BTBD2: variants seen among roughly 807,000 people sequenced by gnomAD.
The protein encoded by BTBD2 is BTB/POZ domain-containing protein 2.
In BTBD2, 15 loss-of-function variants were observed where a neutral mutation model predicts 44.0. The observed-to-expected ratio is 0.34, with a 90% confidence interval of 0.23 to 0.53. The LOEUF (loss-of-function observed/expected upper bound fraction) is 0.53. BTBD2 is among the 20% of genes least tolerant of loss of function. The pLI is 0.95. For missense variants in BTBD2, 657 were observed against 746.4 expected (o/e 0.88, Z 1.39); for synonymous variants, 443 against 335.9 (o/e 1.32, Z -3.49).
At chr19:2,009,963 G>A (rs931167805) in intron 1 of BTBD2, among the ~76,000 whole-genome samples, 4 of 151,850 alleles carry the variant, frequency 2.6e-5, no homozygotes, top group Admixed American at 2.6e-4. Flanking sequence ...AGACTAGCCC[G>A]GCTAACATGG....
intron 1 of BTBD2, among the ~76,000 whole-genome samples, chr19:2,010,001 A>T (rs2016443581): frequency 6.6e-6 from 1 of 151,538 alleles, no homozygotes; most frequent in African/African-American, 2.4e-5. Context: ...TAAAAAATAC[A>T]ATTAGCCAAG....
intron 3 of BTBD2, 124 bp from the exon 4 acceptor site, chr19:1,990,946 A>G (rs2016168966): frequency 2.3e-6 from 2 of 856,684 alleles, no homozygotes; most frequent in Admixed American, 4.6e-5. Context: ...CGTGGCCAGG[A>G]GCCACCAGGG....
At chr19:2,005,282 T>C (rs957672048) in intron 1 of BTBD2, among the ~76,000 whole-genome samples, 2 of 152,082 alleles carry the variant, frequency 1.3e-5, no homozygotes, top group Non-Finnish European at 2.9e-5. Flanking sequence ...CTCCTTCTCC[T>C]GGATAAATGC....
chr19:1,986,596 C>A lies in BTBD2; in HGVS notation c.1470G>T (p.Ser490=), dbSNP rs138551280. The part of the protein sequence containing the change: ...TKGLRKVTHE[S]PTTGAKTCFT... Reference sequence around the variant, plus strand: ...AGCAGGTCTTGGCGCCCGTGGTGGGCGACTCGTGTGTCACCTTGCGCAGGC... The same window carrying A: ...AGCAGGTCTTGGCGCCCGTGGTGGGAGACTCGTGTGTCACCTTGCGCAGGC... The change falls in exon 9 of 9, where the codon TCG becomes TCT. Residue 490 remains serine, a synonymous_variant. Transcript: ENST00000255608. The A allele has an allele frequency of 1.2e-6, 2 of 1,613,968 alleles. No individual in the cohort carries two copies. The highest frequency in any genetic ancestry group is 1.7e-6 in the Non-Finnish European group (2 of 1,179,916).
At chr19:2,008,670 C>T (rs2016425723) in intron 1 of BTBD2, among the ~76,000 whole-genome samples, 1 of 148,222 alleles carries the variant, frequency 6.7e-6, no homozygotes, top group Non-Finnish European at 1.5e-5. Context: ...TGGCTCACTG[C>T]AGCGGCAACC....
intron 1 of BTBD2, chr19:2,002,830 T>C (rs997812560): frequency 5.4e-5 from 8 of 147,322 alleles, no homozygotes; most frequent in African/African-American, 1.0e-4. Context: ...TGAGCTGAGA[T>C]TGCGCCACGG....
At chr19:2,011,860 T>C (rs1599362090) in intron 1 of BTBD2, among the ~76,000 whole-genome samples, 1 of 150,682 alleles carries the variant, frequency 6.6e-6, no homozygotes. Flanking sequence ...TTATTTTTTT[T>C]CCTTTTTTTT....
intron 1 of BTBD2, among the ~76,000 whole-genome samples, chr19:2,002,028 C>A (rs1160120520): frequency 1.3e-5 from 2 of 151,920 alleles, no homozygotes; most frequent in African/African-American, 4.8e-5. Flanking sequence ...GGTGTGAGCC[C>A]CCACGCCTGG....
chr19:2,006,679 T>A (rs1249928297), intron 1 of BTBD2, among the ~76,000 whole-genome samples: 1 of 151,936 alleles, frequency 6.6e-6, no homozygotes, highest in Non-Finnish European at 1.5e-5. Context: ...ACCACTTGTT[T>A]TTGTAAATTA....
At chr19:2,011,413 A>G (rs34789944) in intron 1 of BTBD2, among the ~76,000 whole-genome samples, 44,587 of 151,822 alleles carry the variant, frequency 0.29, 7,750 homozygotes, top group African/African-American at 0.48. Context: ...ATCTGGTCAC[A>G]CTGGGCCACA....
At chr19:1,990,478 A>G in intron 4 of BTBD2, 1 of 608,838 alleles carries the variant, frequency 1.6e-6, no homozygotes, top group Non-Finnish European at 2.9e-6. Flanking sequence ...GCCATGGACC[A>G]TCGGAGGACG....
intron 1 of BTBD2, among the ~76,000 whole-genome samples, chr19:2,010,335 C>T (rs72979681): frequency 2.0e-5 from 3 of 152,180 alleles, no homozygotes; most frequent in South Asian, 2.1e-4. Context: ...CAGGCTCCAG[C>T]GCGCTGAGAT....
intron 1 of BTBD2, chr19:2,014,216 A>C (rs1329237158): frequency 6.8e-6 from 1 of 147,432 alleles, no homozygotes; most frequent in Non-Finnish European, 1.5e-5. Flanking sequence ...TAGGGGTCCC[A>C]GGGGGAGAGG....
At chr19:1,997,031 T>C (rs2016260004) in intron 2 of BTBD2, among the ~76,000 whole-genome samples, 1 of 151,574 alleles carries the variant, frequency 6.6e-6, no homozygotes, top group Non-Finnish European at 1.5e-5. Context: ...TACAAAAAAA[T>C]TAGCCGGGCG....
intron 1 of BTBD2, among the ~76,000 whole-genome samples, chr19:1,998,943 G>C (rs1265103763): frequency 6.6e-6 from 1 of 152,080 alleles, no homozygotes; most frequent in African/African-American, 2.4e-5. Flanking sequence ...TCCCACCACA[G>C]CAAGTGCCGG....
At chr19:2,015,075 A>G (rs2016515748) in intron 1 of BTBD2, among the ~76,000 whole-genome samples, 1 of 135,246 alleles carries the variant, frequency 7.4e-6, no homozygotes, top group African/African-American at 2.9e-5. Flanking sequence ...CCAGGGACAG[A>G]GGGGTGCAGG....
intron 4 of BTBD2, 115 bp from the exon 5 acceptor site, chr19:1,990,316 G>T: frequency 8.6e-7 from 1 of 1,159,194 alleles, no homozygotes; most frequent in African/African-American, 1.5e-5. Context: ...ACTATGGCCC[G>T]TGGCCCAAAT....
At chr19:1,986,750 G>A (rs2016089788) in intron 8 of BTBD2, 80 bp downstream of exon 8, 6 of 1,574,902 alleles carry the variant, frequency 3.8e-6, no homozygotes, top group Admixed American at 1.7e-5. Flanking sequence ...GGCTGCCTCT[G>A]GAGAGTGTGT....
chr19:2,012,552 C>T (rs1360779996), intron 1 of BTBD2, among the ~76,000 whole-genome samples: 1 of 152,186 alleles, frequency 6.6e-6, no homozygotes, highest in African/African-American at 2.4e-5. Flanking sequence ...CTCCGGTCAG[C>T]GAGAAGCCAT....
Sources: gnomAD v4.1 joint callset for allele counts (sites outside exome capture counted in the v4.1 genomes callset) on GRCh38, gnomAD v4.1.1 for gene constraint, MANE v1.5 for transcripts, NCBI Gene and HGNC (gene_info 2026-07-23, HGNC 2026-07-21) for gene names.